The following RAD51B variants were observed in gnomAD, a reference collection of about 807,000 sequenced individuals.
RAD51B encodes RAD51 paralog B.
In RAD51B, 38 loss-of-function variants were observed where a neutral mutation model predicts 42.2. The observed-to-expected ratio is 0.90, with a 90% CI of 0.70 to 1.18. RAD51B has a LOEUF of 1.18. Ranked by LOEUF, RAD51B falls within the 50% of genes most tolerant of loss-of-function variation. The pLI is 0.00. For missense variants in RAD51B, 373 were observed against 400.7 expected (o/e 0.93, Z 0.59); for synonymous variants, 154 against 145.2 (o/e 1.06, Z -0.43).
intron 4 of RAD51B, among the ~76,000 whole-genome samples, chr14:67,838,126 T>C (rs73280438): frequency 0.015 from 2,223 of 152,328 alleles, 56 homozygotes; most frequent in African/African-American, 0.05. Flanking sequence ...AGAATCTCAT[T>C]CTTTTTTATG....
intron 10 of RAD51B, among the ~76,000 whole-genome samples, chr14:68,505,582 G>A (rs1413947228): frequency 1.5e-5 from 2 of 129,782 alleles, no homozygotes; most frequent in Non-Finnish European, 3.1e-5. Context: ...ACGGAGTCTC[G>A]CTCCGTTGCC....
chr14:68,264,918 A>G (rs1048281332), intron 7 of RAD51B, among the ~76,000 whole-genome samples: 13 of 152,204 alleles, frequency 8.5e-5, no homozygotes, highest in African/African-American at 2.9e-4. Context: ...GCAGAAAAAC[A>G]TGGAATAGGG....
chr14:67,994,558 A>G (rs562855945), intron 7 of RAD51B, among the ~76,000 whole-genome samples: 1 of 152,280 alleles, frequency 6.6e-6, no homozygotes, highest in South Asian at 2.1e-4. Flanking sequence ...AGAAATATGA[A>G]ATGAGAAATC....
At chr14:68,170,027 A>G (rs1043266052) in intron 7 of RAD51B, among the ~76,000 whole-genome samples, 1 of 152,220 alleles carries the variant, frequency 6.6e-6, no homozygotes, top group African/African-American at 2.4e-5. Context: ...TTCATTAGGA[A>G]GATGCCTTTC....
Position 68,334,313 on chromosome 14 carries a change from T to A in RAD51B, c.853+42333T>A, listed in dbSNP as rs577707748. ...TTATATATAATATATACTGTATTCT[T>A]ACAGTAAGTAAGCTAGAGAAAAGAA... On this transcript the variant is annotated intron_variant, in intron 8 of 10. Transcript: ENST00000471583. Among the ~76,000 whole-genome samples, 4 of 152,300 alleles carry A rather than the reference T, an allele frequency of 2.6e-5. No homozygotes were observed. In the South Asian group the frequency reaches 8.3e-4, roughly 32 times the overall value.
Position 68,188,264 on chromosome 14 carries a change from GTTC to G in RAD51B, c.757-103614_757-103612del, listed in dbSNP as rs533323392. On this transcript the variant is annotated intron_variant, in intron 7 of 10. Coordinates refer to ENST00000471583, the MANE Select transcript of RAD51B (RefSeq NM_133510.4). ...TGATTTCTTTTTTTTTTTCTTTGTT[GTTC>G]TTCTTTTTTCTTTTTCCTTCTTCCC... Among the ~76,000 whole-genome samples, 615 of 149,034 alleles carry G rather than the reference GTTC, an allele frequency of 4.1e-3. 2 individuals carry two copies. Among genetic ancestry groups the G allele is most frequent in the Admixed American group, 6.2e-3 (93 of 14,996 alleles).
chr14:67,828,854 T>G (rs547343467), intron 3 of RAD51B, among the ~76,000 whole-genome samples: 130 of 152,320 alleles, frequency 8.5e-4, no homozygotes, highest in Middle Eastern at 3.4e-3. Context: ...TGTCTGTTTT[T>G]GTATCAGTAC....
At chr14:68,629,189 AAAGT>A (rs1421991770) in intron 10 of RAD51B, among the ~76,000 whole-genome samples, 2 of 152,176 alleles carry the variant, frequency 1.3e-5, no homozygotes, top group Non-Finnish European at 2.9e-5. Context: ...TGTTCAAACA[AAAGT>A]AAGCCTTCAG....
At chr14:68,460,501 G>A (rs1018184319) in intron 9 of RAD51B, among the ~76,000 whole-genome samples, 2 of 152,144 alleles carry the variant, frequency 1.3e-5, no homozygotes, top group African/African-American at 4.8e-5. Context: ...CTGTGCCCAA[G>A]GTTCCTGACA....
chr14:68,476,834 A>C (rs1336578247), intron 10 of RAD51B, among the ~76,000 whole-genome samples: 1 of 152,204 alleles, frequency 6.6e-6, no homozygotes, highest in Non-Finnish European at 1.5e-5. Flanking sequence ...GTCTTTCTAC[A>C]ACAAATGTCG....
chr14:68,504,584 C>A lies in RAD51B; in HGVS notation c.1036+36334C>A, dbSNP rs184328691. ...GAAACTCTCCCAGTGGACTCTGCGA[C>A]TGGGATGTGGAAGCTCAGACAGCTA... On this transcript the variant is annotated intron_variant, in intron 10 of 10. Transcript: ENST00000487270. 1.1e-4 allele frequency among the ~76,000 whole-genome samples: 17 copies of A among 150,562 alleles called. No individual in the cohort carries two copies. In the East Asian group the frequency reaches 3.3e-3, roughly 29 times the overall value.
At chr14:68,577,152 A>C (rs1257076075) in intron 10 of RAD51B, among the ~76,000 whole-genome samples, 1 of 152,200 alleles carries the variant, frequency 6.6e-6, no homozygotes, top group African/African-American at 2.4e-5. Context: ...CTTGACCTTT[A>C]GCCTAAAAAC....
intron 7 of RAD51B, among the ~76,000 whole-genome samples, chr14:68,099,411 A>G (rs752066635): frequency 2.0e-5 from 3 of 152,224 alleles, no homozygotes; most frequent in Admixed American, 6.5e-5. Context: ...AACCCAGCCT[A>G]TGACCCTGAG....
At chr14:68,000,354 T>C (rs2075458863) in intron 7 of RAD51B, 1 of 152,160 alleles carries the variant, frequency 6.6e-6, no homozygotes, top group Admixed American at 6.5e-5. Context: ...TAAAAATTGA[T>C]TTCCTAGGTT....
chr14:67,902,964 C>T (rs1198753751), intron 7 of RAD51B, among the ~76,000 whole-genome samples: 3 of 152,044 alleles, frequency 2.0e-5, no homozygotes, highest in Non-Finnish European at 2.9e-5. Context: ...ATTCTCTTGC[C>T]TAAGCCTCCT....
chr14:68,291,799 C>T, intron 7 of RAD51B, 85 bp from the exon 8 acceptor site: 2 of 1,048,584 alleles, frequency 1.9e-6, no homozygotes, highest in South Asian at 2.7e-5. Flanking sequence ...CCATAGTCTG[C>T]CTTTTGATAG....
At chr14:68,621,957 G>T (rs552541213) in intron 10 of RAD51B, among the ~76,000 whole-genome samples, 6 of 152,288 alleles carry the variant, frequency 3.9e-5, no homozygotes, top group African/African-American at 1.4e-4. Flanking sequence ...CCTCTGGTTG[G>T]GGGTGGCAGA....
chr14:68,283,356 A>G lies in RAD51B; in HGVS notation c.757-8528A>G, dbSNP rs1443564636. ...CACACCAAAGCAACTTGGCCACAGG[A>G]CACGTACAGTGCAGCAGAAGGCTGG... is the stretch of plus-strand genomic sequence containing the variant. On this transcript the variant is annotated intron_variant, in intron 7 of 10. Transcript: ENST00000471583. Among the ~76,000 whole-genome samples, 5 of 152,218 alleles carry G rather than the reference A, an allele frequency of 3.3e-5. 1 individual carries two copies. Among genetic ancestry groups the G allele is most frequent in the Non-Finnish European group, 5.9e-5 (4 of 68,042 alleles).
At chr14:67,927,785 A>ATATATACACATAT (rs1332025885) in intron 7 of RAD51B, among the ~76,000 whole-genome samples, 2 of 148,882 alleles carry the variant, frequency 1.3e-5, no homozygotes, top group African/African-American at 5.1e-5. Context: ...ACACATATAT[A>ATATATACACATAT]ATGTGTGTGT....
Sources: gnomAD v4.1 joint callset for allele counts (sites outside exome capture counted in the v4.1 genomes callset) on GRCh38, gnomAD v4.1.1 for gene constraint, MANE v1.5 for transcripts, NCBI Gene and HGNC (gene_info 2026-07-23, HGNC 2026-07-21) for gene names.